The following PTTG1 variants were observed in gnomAD, a reference collection of about 807,000 sequenced individuals.
PTTG1 encodes the protein PTTG1 regulator of sister chromatid separation, securin.
In PTTG1, 8 loss-of-function variants were observed where a neutral mutation model predicts 20.0. The observed-to-expected ratio is 0.40, with a 90% CI of 0.23 to 0.72. The LOEUF (loss-of-function observed/expected upper bound fraction) is 0.72. PTTG1 is among the 30% of genes least tolerant of loss of function. The probability of loss-of-function intolerance (pLI) is 0.38; values close to 1 mark genes in which losing one functional copy is unlikely to be tolerated. For missense variants in PTTG1, 197 were observed against 236.0 expected (o/e 0.83, Z 1.08); for synonymous variants, 79 against 87.2 (o/e 0.91, Z 0.52).
intron 3 of PTTG1, among the ~76,000 whole-genome samples, chr5:160,423,230 TAC>T (rs932630176): frequency 6.6e-6 from 1 of 152,202 alleles, no homozygotes. Context: ...GGTATCCACT[TAC>T]AGATACATAC....
chr5:160,426,609 AC>A (rs1765813244), intron 4 of PTTG1, among the ~76,000 whole-genome samples: 1 of 152,244 alleles, frequency 6.6e-6, no homozygotes. Context: ...ATTCAGAAAT[AC>A]TGGTTCACTG....
At chr5:160,425,102 G>T (rs947061656) in intron 4 of PTTG1, among the ~76,000 whole-genome samples, 6 of 152,170 alleles carry the variant, frequency 3.9e-5, no homozygotes, top group African/African-American at 1.4e-4. Flanking sequence ...AGGGCCTTAC[G>T]GATTTCTGAG....
Position 160,422,750 on chromosome 5 carries a change from C to T in PTTG1, c.133C>T (p.Arg45Cys), listed in dbSNP as rs747687322. 3.7e-6 allele frequency: 6 copies of T among 1,614,052 alleles called. No individual in the cohort carries two copies. The highest frequency in any genetic ancestry group is 1.1e-5 in the South Asian group (1 of 91,078). ...LDGRSQVSTP[R>C]FGKTFDAPPA... The stretch of plus-strand genomic sequence containing the variant: ...TGGGAGATCTCAAGTTTCAACACCA[C>T]GTTTTGGCAAAACGTTCGATGCCCC... The change falls in exon 3 of 6, where the codon CGT (arginine) becomes TGT (cysteine). Residue 45 changes from arginine to cysteine, a missense_variant. Coordinates refer to ENST00000352433, the MANE Select transcript of PTTG1 (RefSeq NM_004219.4).
chr5:160,422,433 C>G (rs1188692884), intron 2 of PTTG1, 30 bp downstream of exon 2: 4 of 1,580,994 alleles, frequency 2.5e-6, no homozygotes, highest in East Asian at 4.5e-5. Context: ...GTCGGATACA[C>G]TGGTATTGTG....
intron 4 of PTTG1, 45 bp downstream of exon 4, chr5:160,424,375 T>G (rs757922490): frequency 1.3e-5 from 18 of 1,346,148 alleles, no homozygotes; most frequent in African/African-American, 7.3e-5. Context: ...GCCTTTAGTT[T>G]CTTAGTATTC....
At position 160,422,474 on chromosome 5, in the gene PTTG1, G is replaced by C. The variant is rs146752995; in HGVS notation, c.91+71G>C. 4.4e-4 allele frequency: 621 copies of C among 1,400,334 alleles called. 5 individuals carry two copies. The East Asian group carries it at 0.011, about 25-fold the overall frequency. 86.7% of individuals were successfully genotyped at this position (1,400,334 alleles called of 1,614,324 possible). ...GGCCTGGAGCTGGACGAGACATTTA[G>C]TGTACTTTTTGGGCAATTGGAGTCG... On this transcript the variant is annotated intron_variant, in intron 2 of 5. Coordinates refer to ENST00000352433, the MANE Select transcript of PTTG1 (RefSeq NM_004219.4).
chr5:160,427,791 T>C lies in PTTG1; in HGVS notation c.447T>C (p.Leu149=). 5.0e-6 allele frequency: 8 copies of C among 1,614,148 alleles called. No homozygotes were observed. The highest frequency in any genetic ancestry group is 6.8e-6 in the Non-Finnish European group (8 of 1,180,028). ...TGAGTGGAGTGCCTCTCATGATCCT[T>C]GACGAGGAGAGAGAGCTTGAAAAGC... is the stretch of plus-strand genomic sequence containing the variant. ...LPLSGVPLMI[L]DEERELEKLF... The change falls in exon 5 of 6, where the codon CTT becomes CTC. Residue 149 remains leucine, a synonymous_variant. Transcript: ENST00000352433.
At position 160,422,772 on chromosome 5, in the gene PTTG1, C is replaced by T; in HGVS notation, c.155C>T (p.Ala52Val). Residue 52 changes from alanine to valine, a missense_variant, in exon 3 of 6, where the codon GCC (alanine) becomes GTC (valine). Transcript: ENST00000352433. ...STPRFGKTFD[A>V]PPALPKATRK... ...CCACGTTTTGGCAAAACGTTCGATG[C>T]CCCACCAGCCTTACCTAAAGCTACT... 6.2e-7 allele frequency: 1 copy of T among 1,614,160 alleles called. No homozygotes were observed. The highest frequency in any genetic ancestry group is 8.5e-7 in the Non-Finnish European group (1 of 1,180,014).
chr5:160,425,716 C>A (rs1464210929), intron 4 of PTTG1, among the ~76,000 whole-genome samples: 1 of 152,144 alleles, frequency 6.6e-6, no homozygotes, highest in Non-Finnish European at 1.5e-5. Context: ...TTGCAAACTT[C>A]TTTCCTCTGG....
rs148382033 is a variant in PTTG1 at position 160,424,580 on chromosome 5, G to A, written c.370+250G>A. 1,276 of 353,324 alleles carry A rather than the reference G, an allele frequency of 3.6e-3. 18 individuals carry two copies. Among genetic ancestry groups the A allele is most frequent in the African/African-American group, 0.025 (1,169 of 47,112 alleles). The allele number at this position is 353,324 out of a possible 1,614,324, so 21.9% of individuals were successfully genotyped here. ...CTGTAAAAGCTTATCACCTAGAGGAGGTAAGATGTATTCATGAACATTGAA... is the reference window on the plus strand; with the variant it reads ...CTGTAAAAGCTTATCACCTAGAGGAAGTAAGATGTATTCATGAACATTGAA... On this transcript the variant is annotated intron_variant, in intron 4 of 5. Coordinates refer to ENST00000352433, the MANE Select transcript of PTTG1 (RefSeq NM_004219.4).
In PTTG1 at chr5:160,428,679, T is replaced by C. The variant is rs1456633326; in HGVS notation, c.607T>C (p.Ter203GlnextTer3). Residue 203 changes from the stop codon to glutamine, a stop_lost, in exon 6 of 6, where the codon TAA becomes CAA. Transcript: ENST00000352433. Reference protein sequence around the residue: ...LPPVCCDIDI* With the variant: ...LPPVCCDIDIQ ...ACCTGTTTGCTGTGACATAGATATT[T>C]AAATTTCTTAGTGCTTCAGAGTTTG... The C allele has an allele frequency of 6.2e-7, 1 of 1,610,520 alleles. No homozygotes were observed. The highest frequency in any genetic ancestry group is 2.2e-5 in the East Asian group (1 of 44,862).
intron 5 of PTTG1, 39 bp from the exon 6 acceptor site, chr5:160,428,563 G>A: frequency 6.4e-7 from 1 of 1,562,728 alleles, no homozygotes; most frequent in Non-Finnish European, 8.8e-7. Flanking sequence ...ATGACTCAAG[G>A]ATTTGCAGAA....
chr5:160,427,603 T>C, intron 4 of PTTG1, 112 bp from the exon 5 acceptor site: 1 of 1,224,202 alleles, frequency 8.2e-7, no homozygotes, highest in Non-Finnish European at 1.1e-6. Flanking sequence ...GAATATTGTC[T>C]TGAAAATAGT....
chr5:160,425,900 C>T (rs910027286), intron 4 of PTTG1, among the ~76,000 whole-genome samples: 1 of 152,128 alleles, frequency 6.6e-6, no homozygotes, highest in African/African-American at 2.4e-5. Context: ...TAAGGAAAAC[C>T]ATGATTTTCT....
intron 1 of PTTG1, 199 bp from the exon 2 acceptor site, chr5:160,422,103 C>T (rs1420076713): frequency 3.8e-6 from 2 of 519,950 alleles, no homozygotes. Context: ...CCGCGCGCTG[C>T]TCGGGACCTT....
Position 160,427,890 on chromosome 5 carries a change from C to T in PTTG1, c.529+17C>T. On this transcript the variant is annotated intron_variant, in intron 5 of 5. Coordinates refer to ENST00000352433, the MANE Select transcript of PTTG1 (RefSeq NM_004219.4). ...GGGAATCCAGTAAGTGAGCAAGTGC[C>T]CTTCTGGAAGGGCTGCAAACAATTT... The T allele has an allele frequency of 1.2e-5, 19 of 1,614,052 alleles. No individual in the cohort carries two copies. Among genetic ancestry groups the T allele is most frequent in the Non-Finnish European group, 1.6e-5 (19 of 1,179,972 alleles).
At chr5:160,428,466 TGTCAGGAG>T in intron 5 of PTTG1, 128 bp from the exon 6 acceptor site, 1 of 734,236 alleles carries the variant, frequency 1.4e-6, no homozygotes, top group South Asian at 1.8e-5. Context: ...CCAAAAAATG[TGTCAGGAG>T]GGGATGCAGG....
intron 4 of PTTG1, among the ~76,000 whole-genome samples, chr5:160,426,805 A>G (rs1029984775): frequency 6.6e-6 from 1 of 152,164 alleles, no homozygotes; most frequent in African/African-American, 2.4e-5. Context: ...GCACTTTGGG[A>G]GGCAAGGCGG....
rs772167069 is a variant in PTTG1 at position 160,427,697 on chromosome 5, G to T, written c.371-18G>T. On this transcript the variant is annotated intron_variant, in intron 4 of 5. Transcript: ENST00000352433. ...TAAGAACTGCTGCCCTGACAAAAAC[G>T]CTTTCTCTCTGTAACAGACTTTGAG... 6.2e-7 allele frequency: 1 copy of T among 1,611,542 alleles called. No homozygotes were observed. Among genetic ancestry groups the T allele is most frequent in the Non-Finnish European group, 8.5e-7 (1 of 1,178,438 alleles).
Sources: gnomAD v4.1 joint callset for allele counts (sites outside exome capture counted in the v4.1 genomes callset) on GRCh38, gnomAD v4.1.1 for gene constraint, MANE v1.5 for transcripts, NCBI Gene and HGNC (gene_info 2026-07-23, HGNC 2026-07-21) for gene names.